Variants in MVB12B observed in about 807,000 individuals in gnomAD.
The protein encoded by MVB12B is ESCRT-I complex subunit MVB12B.
In MVB12B, 16 loss-of-function variants were observed where a neutral mutation model predicts 41.6. That is an observed-to-expected ratio of 0.38 (90% CI 0.26 to 0.58). The LOEUF is 0.58. MVB12B is among the 20% of genes least tolerant of loss of function. The probability of loss-of-function intolerance (pLI) is 0.62; values close to 1 mark genes in which losing one functional copy is unlikely to be tolerated. For missense variants in MVB12B, 274 were observed against 380.2 expected, an observed-to-expected ratio of 0.72 and a Z score of 2.32; for synonymous variants, 133 against 139.7, an observed-to-expected ratio of 0.95 and a Z score of 0.34.
intron 2 of MVB12B, among the ~76,000 whole-genome samples, chr9:126,356,074 G>C (rs1361228397): frequency 6.6e-6 from 1 of 152,144 alleles, no homozygotes. Flanking sequence ...CTTTCACTTA[G>C]AGTCATGTTT....
chr9:126,442,377 G>C (rs1375058450), intron 7 of MVB12B, among the ~76,000 whole-genome samples: 1 of 152,178 alleles, frequency 6.6e-6, no homozygotes, highest in Non-Finnish European at 1.5e-5. Flanking sequence ...TTTTAGAGTA[G>C]ACATGGATGA....
chr9:126,459,562 C>T lies in MVB12B; in HGVS notation c.758-21807C>T, dbSNP rs1833048151. ...CCCACAGCAGCATTTCTCATGGTGC[C>T]ATTGTGTCTGAGGTCCCAGAGCCAA... On this transcript the variant is annotated intron_variant, in intron 7 of 9. Coordinates refer to ENST00000361171, the MANE Select transcript of MVB12B (RefSeq NM_033446.3). The surrounding 1 kb of genome is among the most constrained non-coding windows in gnomAD (Gnocchi z 4.3). 6.6e-6 allele frequency among the ~76,000 whole-genome samples: 1 copy of T among 152,074 alleles called. No individual in the cohort carries two copies.
At chr9:126,435,658 CAAAA>C (rs34798291) in intron 7 of MVB12B, among the ~76,000 whole-genome samples, 2 of 125,064 alleles carry the variant, frequency 1.6e-5, no homozygotes. Flanking sequence ...TTATTTTAGC[CAAAA>C]AAAAAAAAAA....
At chr9:126,409,117 G>GT (rs915048905) in intron 6 of MVB12B, among the ~76,000 whole-genome samples, 8 of 141,378 alleles carry the variant, frequency 5.7e-5, no homozygotes, top group Non-Finnish European at 1.5e-5. Flanking sequence ...TTCCATTGTG[G>GT]GGGGGGGCTC....
rs766114796 is a variant in MVB12B at position 126,392,043 on chromosome 9, T to C, written c.410-23T>C. On this transcript the variant is annotated intron_variant, in intron 4 of 9. Coordinates refer to ENST00000361171, the MANE Select transcript of MVB12B (RefSeq NM_033446.3). This position sits in a 1 kb window ranked among gnomAD's most constrained non-coding sequence, Gnocchi z 4.8. ...CTGGTATCTCTGGAAAACTCATACC[T>C]TTTCTATTGTCCTTTCCTTCAGAGG... 6.2e-7 allele frequency: 1 copy of C among 1,613,754 alleles called. No homozygotes were observed. The highest frequency in any genetic ancestry group is 1.7e-5 in the Admixed American group (1 of 59,996).
At chr9:126,439,227 G>A (rs1027167148) in intron 7 of MVB12B, among the ~76,000 whole-genome samples, 1 of 152,164 alleles carries the variant, frequency 6.6e-6, no homozygotes, top group East Asian at 1.9e-4. Flanking sequence ...TGGCAGACCT[G>A]GGAGCTCTGA....
chr9:126,397,139 G>C lies in MVB12B; in HGVS notation c.662+1442G>C, dbSNP rs566501386. 2.7e-5 allele frequency: 27 copies of C among 985,534 alleles called. No individual in the cohort carries two copies. The South Asian group carries it at 1.1e-3, about 39-fold the overall frequency. 61.0% of individuals were successfully genotyped at this position (985,534 alleles called of 1,614,324 possible). A position where few individuals can be genotyped will look rare whatever the true frequency, so the allele number is the denominator to read the frequency against. On this transcript the variant is annotated intron_variant, in intron 6 of 9. Coordinates refer to ENST00000361171, the MANE Select transcript of MVB12B (RefSeq NM_033446.3). ...GTGGGCTCCTTGCAGAGGCTGGAAA[G>C]CCCCCACAGGAGCAGTTGCCCTGAA...
Position 126,389,099 on chromosome 9 carries a change from T to C in MVB12B, c.409+2441T>C, listed in dbSNP as rs1164857583. Among the ~76,000 whole-genome samples the C allele has an allele frequency of 6.6e-6, 1 of 152,172 alleles. No individual in the cohort carries two copies. The highest frequency in any genetic ancestry group is 1.5e-5 in the Non-Finnish European group (1 of 68,028). On this transcript the variant is annotated intron_variant, in intron 4 of 9. Coordinates refer to ENST00000361171, the MANE Select transcript of MVB12B (RefSeq NM_033446.3). This position sits in a 1 kb window ranked among gnomAD's most constrained non-coding sequence, Gnocchi z 4.4. Reference sequence around the variant, plus strand: ...GGGCCCAGGGGTCCTGGTTGGGAAGTTTCTCCCTTGTGACTGGGAGTACAC... The same window carrying C: ...GGGCCCAGGGGTCCTGGTTGGGAAGCTTCTCCCTTGTGACTGGGAGTACAC...
At chr9:126,355,473 C>T (rs1829856170) in intron 2 of MVB12B, among the ~76,000 whole-genome samples, 1 of 152,194 alleles carries the variant, frequency 6.6e-6, no homozygotes, top group African/African-American at 2.4e-5. Flanking sequence ...CAAATCATGC[C>T]CTTAACATTC....
intron 9 of MVB12B, among the ~76,000 whole-genome samples, chr9:126,499,578 A>G (rs944480363): frequency 1.3e-5 from 2 of 152,202 alleles, no homozygotes; most frequent in Non-Finnish European, 2.9e-5. Flanking sequence ...AAGGGCTTCC[A>G]GAAGCGGCCC....
intron 7 of MVB12B, among the ~76,000 whole-genome samples, chr9:126,433,010 G>A (rs1832369860): frequency 6.6e-6 from 1 of 152,008 alleles, no homozygotes; most frequent in Non-Finnish European, 1.5e-5. Context: ...GGATCCAAAG[G>A]AAAAAAGGAA....
chr9:126,332,432 C>T (rs1157312353), intron 1 of MVB12B, among the ~76,000 whole-genome samples: 1 of 152,218 alleles, frequency 6.6e-6, no homozygotes, highest in Non-Finnish European at 1.5e-5. Flanking sequence ...TCTACAAGCT[C>T]TCCGGGGCAT....
At chr9:126,463,182 C>T (rs2119179080) in intron 7 of MVB12B, among the ~76,000 whole-genome samples, 1 of 152,268 alleles carries the variant, frequency 6.6e-6, no homozygotes, top group South Asian at 2.1e-4. Flanking sequence ...GACAGTCCTG[C>T]TGGTTGGAAA....
At chr9:126,483,949 G>T (rs755075250) in intron 8 of MVB12B, 24 bp from the exon 9 acceptor site, 8 of 1,613,482 alleles carry the variant, frequency 5.0e-6, no homozygotes, top group Middle Eastern at 3.3e-4. Flanking sequence ...CTATTTAAAA[G>T]GGCAACTTCA....
At chr9:126,471,164 C>G (rs890211210) in intron 7 of MVB12B, among the ~76,000 whole-genome samples, 2 of 152,190 alleles carry the variant, frequency 1.3e-5, no homozygotes, top group African/African-American at 4.8e-5. Flanking sequence ...GACATAAAAC[C>G]GCAGCCTTGC....
intron 2 of MVB12B, among the ~76,000 whole-genome samples, chr9:126,355,518 A>G (rs1185804116): frequency 3.3e-5 from 5 of 152,240 alleles, no homozygotes; most frequent in African/African-American, 9.6e-5. Context: ...AAAGTACTGC[A>G]TTATGAGGGC....
At chr9:126,336,584 A>G (rs1829283704) in intron 1 of MVB12B, among the ~76,000 whole-genome samples, 1 of 152,238 alleles carries the variant, frequency 6.6e-6, no homozygotes, top group Non-Finnish European at 1.5e-5. Context: ...CACTGCAGGC[A>G]GAAGCTGGAA....
At chr9:126,419,589 A>G (rs995093304) in intron 6 of MVB12B, among the ~76,000 whole-genome samples, 5 of 152,192 alleles carry the variant, frequency 3.3e-5, no homozygotes, top group African/African-American at 4.8e-5. Flanking sequence ...TCATCATTTT[A>G]GTTCTGCTCA....
intron 2 of MVB12B, among the ~76,000 whole-genome samples, chr9:126,349,980 G>C (rs1015630316): frequency 1.3e-5 from 2 of 152,142 alleles, no homozygotes; most frequent in East Asian, 3.8e-4. Flanking sequence ...CCAGTTTCTC[G>C]ACATCTTTTC....
Sources: allele counts gnomAD v4.1 joint callset (sites outside exome capture counted in the v4.1 genomes callset), GRCh38; gene constraint gnomAD v4.1.1; non-coding constraint Gnocchi (gnomAD v3.1); transcripts MANE v1.5; gene names NCBI Gene and HGNC (gene_info 2026-07-23, HGNC 2026-07-21).